FSIP1: variants seen among roughly 807,000 people sequenced by gnomAD.
FSIP1 encodes the protein fibrous sheath interacting protein 1.
In FSIP1, 65 loss-of-function variants were observed where a neutral mutation model predicts 60.9. The ratio of observed to expected loss-of-function variants is 1.07; its 90% confidence interval spans 0.87 to 1.31. The LOEUF (loss-of-function observed/expected upper bound fraction) is 1.31, where lower values mean the gene tolerates loss of function less well. Ranked by LOEUF, FSIP1 falls within the 40% of genes most tolerant of loss-of-function variation. FSIP1 has a pLI of 0.00. For synonymous variants in FSIP1, 209 were observed against 221.2 expected (o/e 0.94, Z 0.49); for missense variants, 675 against 665.5 (o/e 1.01, Z -0.16).
chr15:39,709,909 C>T (rs904252364), intron 10 of FSIP1, among the ~76,000 whole-genome samples: 2 of 152,154 alleles, frequency 1.3e-5, no homozygotes, highest in African/African-American at 2.4e-5. Flanking sequence ...TGCTGAGCGG[C>T]CCAGTACCTG....
intron 9 of FSIP1, among the ~76,000 whole-genome samples, chr15:39,720,979 C>T (rs1595660212): frequency 6.6e-6 from 1 of 152,186 alleles, no homozygotes; most frequent in South Asian, 2.1e-4. Flanking sequence ...ACTGTGACCA[C>T]AAGCTTTGTT....
chr15:39,677,622 T>C (rs1265297188), intron 10 of FSIP1, among the ~76,000 whole-genome samples: 1 of 152,150 alleles, frequency 6.6e-6, no homozygotes, highest in African/African-American at 2.4e-5. Context: ...TGTTAGAGTA[T>C]TATATCTAAT....
chr15:39,601,044 T>A, intron 11 of FSIP1, 118 bp from the exon 12 acceptor site: 1 of 740,764 alleles, frequency 1.3e-6, no homozygotes, highest in Non-Finnish European at 2.2e-6. Context: ...ATAATCACAC[T>A]CTCATTTAAT....
chr15:39,617,646 C>T (rs1891280254), intron 11 of FSIP1, 89 bp downstream of exon 11: 2 of 1,135,062 alleles, frequency 1.8e-6, no homozygotes, highest in Non-Finnish European at 2.5e-6. Flanking sequence ...AACATACCTT[C>T]TTACCCGACT....
chr15:39,600,752 G>A lies in FSIP1; in HGVS notation c.*128C>T, dbSNP rs907559947. On this transcript the variant is annotated 3_prime_UTR_variant, in exon 12 of 12. Coordinates refer to ENST00000350221, the MANE Select transcript of FSIP1 (RefSeq NM_152597.5). The stretch of plus-strand genomic sequence containing the variant: ...CAAGGAAATATAATCCACAAAGAGC[G>A]ACTCCAAATGTCAAAATCAATAAAG... The A allele has an allele frequency of 7.3e-5, 46 of 628,586 alleles. No individual in the cohort carries two copies. The highest frequency in any genetic ancestry group is 1.1e-4 in the Non-Finnish European group (41 of 373,486). 38.9% of individuals were successfully genotyped at this position (628,586 alleles called of 1,614,324 possible). A position where few individuals can be genotyped will look rare whatever the true frequency, so the allele number is the denominator to read the frequency against.
At position 39,737,937 on chromosome 15, in the gene FSIP1, T is replaced by C. The variant is rs151009135; in HGVS notation, c.891+154A>G. ...AGAACACCCGCGGTATTTTGTTATCTGTTCCTGTGTTAGTAAAACAGGGTT... is the reference window on the plus strand; with the variant it reads ...AGAACACCCGCGGTATTTTGTTATCCGTTCCTGTGTTAGTAAAACAGGGTT... On this transcript the variant is annotated intron_variant, in intron 8 of 11. Coordinates refer to ENST00000350221, the MANE Select transcript of FSIP1 (RefSeq NM_152597.5). Among the ~76,000 whole-genome samples the C allele has an allele frequency of 2.0e-3, 299 of 152,320 alleles. 8 individuals carry two copies. In the East Asian group the frequency reaches 0.055, roughly 28 times the overall value.
intron 8 of FSIP1, among the ~76,000 whole-genome samples, chr15:39,735,512 G>A (rs973034475): frequency 2.0e-5 from 3 of 152,190 alleles, no homozygotes; most frequent in Non-Finnish European, 2.9e-5. Flanking sequence ...TTGCAGGAGT[G>A]GAAGCTGCTC....
chr15:39,602,894 C>G (rs1428828114), intron 11 of FSIP1, among the ~76,000 whole-genome samples: 1 of 152,104 alleles, frequency 6.6e-6, no homozygotes, highest in African/African-American at 2.4e-5. Context: ...AAATTTTCAT[C>G]AATAGAACTA....
At chr15:39,691,234 A>G (rs1478643201) in intron 10 of FSIP1, among the ~76,000 whole-genome samples, 2 of 152,214 alleles carry the variant, frequency 1.3e-5, no homozygotes, top group African/African-American at 2.4e-5. Context: ...GTGCCTGGAC[A>G]TTCCTCACAA....
chr15:39,767,479 G>A (rs1008505098), intron 3 of FSIP1, among the ~76,000 whole-genome samples: 6 of 152,210 alleles, frequency 3.9e-5, no homozygotes, highest in South Asian at 2.1e-4. Context: ...AGTCCCTGGC[G>A]AGGGCTCCAC....
chr15:39,758,059 T>C (rs1310124855), intron 5 of FSIP1, among the ~76,000 whole-genome samples: 2 of 152,140 alleles, frequency 1.3e-5, no homozygotes, highest in Non-Finnish European at 2.9e-5. Context: ...CCACTTAATT[T>C]CCATGTTAGA....
chr15:39,709,319 T>C (rs968624760), intron 10 of FSIP1, among the ~76,000 whole-genome samples: 9 of 152,180 alleles, frequency 5.9e-5, no homozygotes, highest in African/African-American at 1.9e-4. Flanking sequence ...AACTGCAAAG[T>C]TGGCCATTTC....
Position 39,765,872 on chromosome 15 carries a change from G to T in FSIP1, c.311-126C>A, listed in dbSNP as rs189537609. On this transcript the variant is annotated intron_variant, in intron 3 of 11. Transcript: ENST00000350221. ...GCTGATAGTAATAACTACTACATTG[G>T]TACCATGTATCTCAATTTACAAGGT... is the stretch of plus-strand genomic sequence containing the variant. 3.1e-5 allele frequency: 16 copies of T among 520,680 alleles called. No individual in the cohort carries two copies. The Admixed American group carries it at 5.7e-4, about 19-fold the overall frequency. The allele number at this position is 520,680 out of a possible 1,614,324, so 32.3% of individuals were successfully genotyped here.
At chr15:39,639,369 C>G (rs1365722405) in intron 10 of FSIP1, among the ~76,000 whole-genome samples, 1 of 151,798 alleles carries the variant, frequency 6.6e-6, no homozygotes, top group Non-Finnish European at 1.5e-5. Flanking sequence ...CTTTGCAAGC[C>G]CTTGCCAGCA....
intron 10 of FSIP1, among the ~76,000 whole-genome samples, chr15:39,695,205 T>G (rs1310241052): frequency 6.6e-6 from 1 of 152,144 alleles, no homozygotes; most frequent in Non-Finnish European, 1.5e-5. Flanking sequence ...GTCCTTGACC[T>G]CTACATCAAA....
rs71132108 is a variant in FSIP1, at chr15:39,646,520, CAAAAAAAA to C, written c.1189-28283_1189-28276del. ...GTAACATAGCGAGACCTCATCTCTA[CAAAAAAAA>C]AAAAAAAAAAAAAAAAAAAGGCTGC... On this transcript the variant is annotated intron_variant, in intron 10 of 11. Coordinates refer to ENST00000350221, the MANE Select transcript of FSIP1 (RefSeq NM_152597.5). Among the ~76,000 whole-genome samples, 19 of 27,112 alleles carry C rather than the reference CAAAAAAAA, an allele frequency of 7.0e-4. No individual in the cohort carries two copies. The South Asian group carries it at 0.027, about 39-fold the overall frequency. 17.8% of individuals were successfully genotyped at this position (27,112 alleles called of 152,430 possible).
At chr15:39,689,924 T>C (rs1380093182) in intron 10 of FSIP1, among the ~76,000 whole-genome samples, 3 of 152,316 alleles carry the variant, frequency 2.0e-5, no homozygotes, top group Admixed American at 1.3e-4. Context: ...AAATCACTCA[T>C]TCAAAACCAG....
chr15:39,662,568 T>C (rs948628204), intron 10 of FSIP1, among the ~76,000 whole-genome samples: 2 of 152,118 alleles, frequency 1.3e-5, no homozygotes, highest in Non-Finnish European at 2.9e-5. Context: ...ATGAGGTGGA[T>C]ACATTAATCA....
rs533736403 is a variant in FSIP1 at position 39,737,253 on chromosome 15, T to C, written c.891+838A>G. 5.3e-5 allele frequency among the ~76,000 whole-genome samples: 8 copies of C among 152,212 alleles called. No individual in the cohort carries two copies. The South Asian group carries it at 1.7e-3, about 32-fold the overall frequency. On this transcript the variant is annotated intron_variant, in intron 8 of 11. Coordinates refer to ENST00000350221, the MANE Select transcript of FSIP1 (RefSeq NM_152597.5). ...TTCCCGGGCCCTATAAATACCTGCG[T>C]TTGCCCCACCTCACCCCCATTACAT...
Sources: gnomAD v4.1 joint callset for allele counts (sites outside exome capture counted in the v4.1 genomes callset) on GRCh38, gnomAD v4.1.1 for gene constraint, MANE v1.5 for transcripts, NCBI Gene and HGNC (gene_info 2026-07-23, HGNC 2026-07-21) for gene names.